MAP3K9: variants seen among roughly 807,000 people sequenced by gnomAD.
The protein encoded by MAP3K9 is mixed lineage kinase 1 (tyr and ser/thr specificity).
Under a neutral mutation model 95.8 loss-of-function variants are expected in MAP3K9, and 46 were observed. The observed-to-expected ratio is 0.48, with a 90% CI of 0.38 to 0.61. The LOEUF is 0.61. Ranked by LOEUF, MAP3K9 falls within the 20% of genes least tolerant of loss-of-function variation. MAP3K9 has a pLI of 0.00. For missense variants in MAP3K9, 1,296 were observed against 1,474.3 expected (o/e 0.88, Z 1.98); for synonymous variants, 533 against 593.8 (o/e 0.90, Z 1.49).
intron 2 of MAP3K9, among the ~76,000 whole-genome samples, chr14:70,768,850 T>C (rs1047063494): frequency 6.6e-6 from 1 of 152,196 alleles, no homozygotes; most frequent in Non-Finnish European, 1.5e-5. Context: ...AGGCTTCAAT[T>C]TGCTAAATGC....
intron 2 of MAP3K9, chr14:70,765,521 A>C (rs1379130245): frequency 1.5e-6 from 1 of 669,586 alleles, no homozygotes; most frequent in African/African-American, 1.8e-5. Context: ...TTTTTATATC[A>C]TATTTTTACT....
At position 70,742,473 on chromosome 14, in the gene MAP3K9, C is replaced by T. The variant is rs754071935; in HGVS notation, c.1445G>A (p.Arg482Gln). 42 of 1,614,100 alleles carry T rather than the reference C, an allele frequency of 2.6e-5. No individual in the cohort carries two copies. The East Asian group carries it at 7.4e-4, about 28-fold the overall frequency. Reference sequence around the variant, plus strand: ...CTGGTGGATGATGATGTTGAGCTCCCGTTCCAGGATGTCAATCTCCCGCTC... The same window carrying T: ...CTGGTGGATGATGATGTTGAGCTCCTGTTCCAGGATGTCAATCTCCCGCTC... The part of the protein sequence containing the change: ...LAEREIDILE[R>Q]ELNIIIHQLC... The change falls in exon 6 of 12, where the codon CGG becomes CAG. Residue 482 changes from arginine (R) to glutamine (Q), a missense_variant. This residue lies in a region of MAP3K9 where 377 missense variants were observed against 417.1 expected (regional missense o/e 0.90). Transcript: ENST00000554752.
intron 2 of MAP3K9, among the ~76,000 whole-genome samples, chr14:70,765,001 T>C (rs1012350797): frequency 1.3e-5 from 2 of 152,154 alleles, no homozygotes; most frequent in African/African-American, 2.4e-5. Context: ...GTTAAAAAGT[T>C]ACAGTAAGCT....
chr14:70,777,493 T>C (rs1014702418), intron 2 of MAP3K9, among the ~76,000 whole-genome samples: 1 of 152,198 alleles, frequency 6.6e-6, no homozygotes, highest in Non-Finnish European at 1.5e-5. Flanking sequence ...CCTCCTGACA[T>C]ACTCAAAAGC....
At chr14:70,767,383 CAAAAAAAAAAAAAAAA>C (rs67534847) in intron 2 of MAP3K9, among the ~76,000 whole-genome samples, 2 of 65,328 alleles carry the variant, frequency 3.1e-5, no homozygotes, top group African/African-American at 6.3e-5. Flanking sequence ...CACTCAGTCT[CAAAAAAAAAAAAAAAA>C]AAAAAAAAGA....
chr14:70,754,584 G>A (rs1054756109), intron 3 of MAP3K9, among the ~76,000 whole-genome samples: 1 of 152,030 alleles, frequency 6.6e-6, no homozygotes, highest in African/African-American at 2.4e-5. Context: ...CCATTCTCCC[G>A]CCTCAGCCTC....
In MAP3K9 at chr14:70,723,270, C is replaced by A. The variant is rs1187668532; in HGVS notation, c.*7110G>T. ...TGGAATGAAGAGCAGCAACAGGGCA[C>A]CTGCAGGCTGGAAACAGGAGAGAGG... On this transcript the variant is annotated 3_prime_UTR_variant, in exon 12 of 12. Transcript: ENST00000554752. 6.6e-6 allele frequency: 1 copy of A among 152,314 alleles called. No homozygotes were observed. The highest frequency in any genetic ancestry group is 1.5e-5 in the Non-Finnish European group (1 of 68,198). The allele number at this position is 152,314 out of a possible 1,614,324, so 9.4% of individuals were successfully genotyped here. A position where few individuals can be genotyped will look rare whatever the true frequency, so the allele number is the denominator to read the frequency against.
Position 70,808,971 on chromosome 14 carries a change from G to A in MAP3K9, c.201C>T (p.Gly67=). Reference sequence around the variant, plus strand: ...CCAGCCGCAGGGTCAGCTCGTCCTCGCCCGCCGCCTCGTACTCGAACACGG... The same window carrying A: ...CCAGCCGCAGGGTCAGCTCGTCCTCACCCGCCGCCTCGTACTCGAACACGG... ...WTAVFEYEAA[G]EDELTLRLGD... The change falls in exon 1 of 12, where the codon GGC becomes GGT. Residue 67 remains glycine, a synonymous_variant. Coordinates refer to ENST00000554752, the MANE Select transcript of MAP3K9 (RefSeq NM_001284230.2). 6.4e-7 allele frequency: 1 copy of A among 1,569,686 alleles called. No individual in the cohort carries two copies. Among genetic ancestry groups the A allele is most frequent in the Non-Finnish European group, 8.6e-7 (1 of 1,164,786 alleles).
chr14:70,735,247 G>C (rs1347661746), intron 9 of MAP3K9, among the ~76,000 whole-genome samples: 1 of 152,144 alleles, frequency 6.6e-6, no homozygotes, highest in Non-Finnish European at 1.5e-5. Flanking sequence ...CTTTGTAGGA[G>C]GGGGGAACCA....
intron 2 of MAP3K9, among the ~76,000 whole-genome samples, chr14:70,788,726 A>G (rs565725278): frequency 6.6e-6 from 1 of 152,336 alleles, no homozygotes; most frequent in African/African-American, 2.4e-5. Flanking sequence ...TCAAAACTAT[A>G]AACATTTCTT....
At chr14:70,760,539 G>A (rs2054358875) in intron 3 of MAP3K9, among the ~76,000 whole-genome samples, 1 of 152,142 alleles carries the variant, frequency 6.6e-6, no homozygotes, top group South Asian at 2.1e-4. Context: ...CAAGAAAAAC[G>A]AGATTGCACA....
At chr14:70,785,558 C>T (rs959618840) in intron 2 of MAP3K9, among the ~76,000 whole-genome samples, 1 of 151,972 alleles carries the variant, frequency 6.6e-6, no homozygotes, top group East Asian at 1.9e-4. Context: ...AAAATGGGTA[C>T]GTGATGAGAT....
chr14:70,780,223 C>T (rs966007496), intron 2 of MAP3K9, among the ~76,000 whole-genome samples: 1 of 152,160 alleles, frequency 6.6e-6, no homozygotes, highest in African/African-American at 2.4e-5. Context: ...CCATGCCTGC[C>T]GCATGACTTA....
At chr14:70,786,475 T>C (rs1348007964) in intron 2 of MAP3K9, among the ~76,000 whole-genome samples, 2 of 152,120 alleles carry the variant, frequency 1.3e-5, no homozygotes, top group East Asian at 1.9e-4. Context: ...CTGAACACTG[T>C]TATCCTTCTA....
At chr14:70,750,620 G>T (rs866502110) in intron 3 of MAP3K9, among the ~76,000 whole-genome samples, 5 of 152,198 alleles carry the variant, frequency 3.3e-5, no homozygotes, top group Admixed American at 1.3e-4. Context: ...GAGTAGCTGG[G>T]ATTACAGGCA....
chr14:70,743,959 TGTCCATCA>T (rs1358211698), intron 5 of MAP3K9, among the ~76,000 whole-genome samples: 14 of 152,362 alleles, frequency 9.2e-5, no homozygotes, highest in South Asian at 2.1e-4. Flanking sequence ...CCAACCCAAA[TGTCCATCA>T]GTGATAGACT....
intron 2 of MAP3K9, among the ~76,000 whole-genome samples, chr14:70,762,288 G>A (rs535992479): frequency 4.1e-4 from 62 of 152,264 alleles, no homozygotes; most frequent in Middle Eastern, 3.4e-3. Flanking sequence ...ATGGTAATTC[G>A]TGTTTATCTT....
intron 1 of MAP3K9, among the ~76,000 whole-genome samples, chr14:70,804,382 T>C (rs2054966406): frequency 6.6e-6 from 1 of 152,158 alleles, no homozygotes; most frequent in Non-Finnish European, 1.5e-5. Context: ...ATGAGAAAAA[T>C]ATGCCTATGT....
At chr14:70,805,328 T>G (rs969592266) in intron 1 of MAP3K9, among the ~76,000 whole-genome samples, 3 of 152,250 alleles carry the variant, frequency 2.0e-5, no homozygotes, top group Admixed American at 2.0e-4. Context: ...ATAACCTTAA[T>G]GTATGCCCTG....
Sources: allele counts gnomAD v4.1 joint callset (sites outside exome capture counted in the v4.1 genomes callset), GRCh38; gene constraint gnomAD v4.1.1; regional missense constraint gnomAD v4.1.1; transcripts MANE v1.5; gene names NCBI Gene and HGNC (gene_info 2026-07-23, HGNC 2026-07-21).